IMPG1: variants seen among roughly 807,000 people sequenced by gnomAD.
The protein encoded by IMPG1 is interphotoreceptor matrix proteoglycan of 150 kDa.
In IMPG1, 85 loss-of-function variants were observed where a neutral mutation model predicts 92.0. The ratio of observed to expected loss-of-function variants is 0.92; its 90% CI spans 0.78 to 1.11. The LOEUF (loss-of-function observed/expected upper bound fraction) is 1.11, where lower values mean the gene tolerates loss of function less well. Ranked by LOEUF, IMPG1 falls within the 50% of genes least tolerant of loss-of-function variation. The pLI is 0.00. For missense variants in IMPG1, 1,022 were observed against 956.0 expected (o/e 1.07, Z -0.91); for synonymous variants, 367 against 334.1 (o/e 1.10, Z -1.08).
At chr6:75,940,564 G>A (rs1781822599) in intron 14 of IMPG1, among the ~76,000 whole-genome samples, 1 of 152,024 alleles carries the variant, frequency 6.6e-6, no homozygotes, top group African/African-American at 2.4e-5. Flanking sequence ...GCACTTAGTT[G>A]GAAAACGTTT....
At chr6:75,960,122 T>A (rs1406852867) in intron 12 of IMPG1, among the ~76,000 whole-genome samples, 1 of 152,120 alleles carries the variant, frequency 6.6e-6, no homozygotes, top group Non-Finnish European at 1.5e-5. Flanking sequence ...GGGGTGGTAG[T>A]TGCCCAACTT....
intron 1 of IMPG1, among the ~76,000 whole-genome samples, chr6:76,053,813 T>C (rs540742350): frequency 3.3e-5 from 5 of 152,268 alleles, no homozygotes; most frequent in Admixed American, 1.3e-4. Context: ...TTTATTGCTA[T>C]CATGTAAACT....
Position 75,931,155 on chromosome 6 carries a change from T to G in IMPG1, c.2045-4A>C. ...TTGCAGGGATCTGCTTGATCAGCTG[T>G]AAGAAATGGGGCAGATTTTAACGCA... is the stretch of plus-strand genomic sequence containing the variant. On this transcript the variant is annotated splice_polypyrimidine_tract_variant and splice_region_variant and intron_variant, in intron 14 of 16. Transcript: ENST00000369950. The G allele has an allele frequency of 1.2e-6, 2 of 1,608,774 alleles. No individual in the cohort carries two copies. Among genetic ancestry groups the G allele is most frequent in the Non-Finnish European group, 1.7e-6 (2 of 1,177,122 alleles).
chr6:75,967,584 T>C (rs1034310829), intron 12 of IMPG1, among the ~76,000 whole-genome samples: 3 of 152,132 alleles, frequency 2.0e-5, no homozygotes, highest in Non-Finnish European at 4.4e-5. Context: ...TATTTAGTTA[T>C]ACCTCATGAA....
rs111968105 is a variant in IMPG1, at chr6:76,043,736, A to G, written c.68-1610T>C. On this transcript the variant is annotated intron_variant, in intron 1 of 16. Transcript: ENST00000369950. ...ATGGGTGCATCTCAAACTGGCTTAC[A>G]CAGTAAGAAAGTTGTCACCTCCAAA... Among the ~76,000 whole-genome samples the G allele has an allele frequency of 8.9e-3, 1,348 of 152,304 alleles. 18 individuals carry two copies. Among genetic ancestry groups the G allele is most frequent in the African/African-American group, 0.03 (1,250 of 41,548 alleles).
chr6:76,022,124 G>A lies in IMPG1; in HGVS notation c.658C>T (p.Pro220Ser), dbSNP rs1292959865. The change falls in exon 6 of 17, where the codon CCT (proline) becomes TCT (serine). Residue 220 changes from proline to serine, a missense_variant. Pro to Ser is a moderately conservative substitution (Grantham distance 74). Coordinates refer to ENST00000369950, the MANE Select transcript of IMPG1 (RefSeq NM_001563.4). ...CTCTAGGAACTTCTTACTGTTGTAG[G>A]CATCTTGGTGTCGTTGAGTGTATTA... ...LDNTLNDTKM[P>S]TTERETEFAV... The A allele has an allele frequency of 5.1e-6, 8 of 1,564,468 alleles. No homozygotes were observed. Among genetic ancestry groups the A allele is most frequent in the South Asian group, 2.2e-5 (2 of 90,126 alleles).
intron 12 of IMPG1, among the ~76,000 whole-genome samples, chr6:75,971,003 A>G (rs1187232054): frequency 6.6e-6 from 1 of 152,170 alleles, no homozygotes; most frequent in Non-Finnish European, 1.5e-5. Flanking sequence ...ATGCTGCTAT[A>G]AAGACACATG....
chr6:76,042,956 A>G (rs1783870998), intron 1 of IMPG1, among the ~76,000 whole-genome samples: 1 of 152,156 alleles, frequency 6.6e-6, no homozygotes, highest in South Asian at 2.1e-4. Flanking sequence ...TACTACATCG[A>G]TGAAACATAT....
chr6:76,034,415 C>T, intron 3 of IMPG1, 72 bp from the exon 4 acceptor site: 1 of 1,414,512 alleles, frequency 7.1e-7, no homozygotes. Context: ...AGTCAATTTT[C>T]ATTCCCTTCT....
intron 13 of IMPG1, among the ~76,000 whole-genome samples, 188 bp downstream of exon 13, chr6:75,950,374 C>G (rs1401773865): frequency 6.6e-6 from 1 of 152,170 alleles, no homozygotes; most frequent in Non-Finnish European, 1.5e-5. Context: ...TTGTCTATCA[C>G]AGAACTCACT....
At chr6:76,017,244 ACT>A (rs1783306948) in intron 7 of IMPG1, among the ~76,000 whole-genome samples, 1 of 151,994 alleles carries the variant, frequency 6.6e-6, no homozygotes, top group Non-Finnish European at 1.5e-5. Context: ...TAGATGCCAC[ACT>A]CAGCATAGTA....
chr6:75,922,198 A>T, intron 16 of IMPG1, 32 bp from the exon 17 acceptor site: 1 of 920,134 alleles, frequency 1.1e-6, no homozygotes, highest in Admixed American at 2.0e-5. Context: ...GAACTTAAGA[A>T]ATGCCACCCA....
intron 12 of IMPG1, among the ~76,000 whole-genome samples, chr6:75,962,932 G>A (rs1782233333): frequency 6.6e-6 from 1 of 151,578 alleles, no homozygotes; most frequent in Non-Finnish European, 1.5e-5. Flanking sequence ...TCCCAGCTAC[G>A]TGGGAGGCTG....
In IMPG1 at chr6:76,034,755, T is replaced by C; in HGVS notation, c.334A>G (p.Ile112Val). The change falls in exon 3 of 17, where the codon ATC becomes GTC. Residue 112 changes from isoleucine (I) to valine (V), a missense_variant. Ile to Val is a conservative substitution (Grantham distance 29). Transcript: ENST00000369950. ...GTGTCAGGGATGCGATCCAGAAAGA[T>C]CCGATATGCTTCCCATACTGCTTCC... Reference protein sequence around the residue: ...CQEAVWEAYRIFLDRIPDTGE... With the variant: ...CQEAVWEAYRVFLDRIPDTGE... 6.2e-7 allele frequency: 1 copy of C among 1,614,106 alleles called. No individual in the cohort carries two copies. The highest frequency in any genetic ancestry group is 8.5e-7 in the Non-Finnish European group (1 of 1,180,012).
Position 75,924,657 on chromosome 6 carries a change from A to ATATCATATAATTATATT in IMPG1, c.2244-952_2244-951insAATATAATTATATGATA, listed in dbSNP as rs1384703548. On this transcript the variant is annotated intron_variant, in intron 15 of 16. Coordinates refer to ENST00000369950, the MANE Select transcript of IMPG1 (RefSeq NM_001563.4). ...ATATTATATATAATTAATTATATAT[A>ATATCATATAATTATATT]ATATATAATAAATTATATATTATAT... Among the ~76,000 whole-genome samples the ATATCATATAATTATATT allele has an allele frequency of 3.0e-4, 2 of 6,680 alleles. 1 individual carries two copies. Among genetic ancestry groups the ATATCATATAATTATATT allele is most frequent in the Non-Finnish European group, 8.3e-4 (2 of 2,420 alleles). 4.4% of individuals were successfully genotyped at this position (6,680 alleles called of 152,430 possible). A position where few individuals can be genotyped will look rare whatever the true frequency, so the allele number is the denominator to read the frequency against.
intron 12 of IMPG1, among the ~76,000 whole-genome samples, chr6:75,956,696 T>G (rs1782128384): frequency 6.6e-6 from 1 of 152,158 alleles, no homozygotes; most frequent in South Asian, 2.1e-4. Context: ...GGGTGTCAAT[T>G]TTAGATCTTT....
At chr6:75,958,530 C>G (rs1318517509) in intron 12 of IMPG1, among the ~76,000 whole-genome samples, 1 of 152,190 alleles carries the variant, frequency 6.6e-6, no homozygotes, top group East Asian at 1.9e-4. Context: ...GTACACCAAT[C>G]ACATGTAGGT....
At chr6:75,937,672 A>G (rs7749011) in intron 14 of IMPG1, among the ~76,000 whole-genome samples, 143,059 of 152,296 alleles carry the variant, frequency 0.94, 67,773 homozygotes, top group East Asian at 1. Flanking sequence ...AACTATTATT[A>G]TCATTATTGT....
At position 76,022,127 on chromosome 6, in the gene IMPG1, T is replaced by A. The variant is rs1368842652; in HGVS notation, c.655A>T (p.Met219Leu). The A allele has an allele frequency of 6.3e-7, 1 of 1,576,914 alleles. No homozygotes were observed. Among genetic ancestry groups the A allele is most frequent in the East Asian group, 2.3e-5 (1 of 43,676 alleles). ...TAGGAACTTCTTACTGTTGTAGGCA[T>A]CTTGGTGTCGTTGAGTGTATTATCG... The part of the protein sequence containing the change: ...ILDNTLNDTK[M>L]PTTERETEFA... The change falls in exon 6 of 17, where the codon ATG becomes TTG. Residue 219 changes from methionine to leucine, a missense_variant. This residue lies in a region of IMPG1 where 681 missense variants were observed against 583.6 expected (regional missense o/e 1.17). Coordinates refer to ENST00000369950, the MANE Select transcript of IMPG1 (RefSeq NM_001563.4).
Sources: gnomAD v4.1 joint callset for allele counts (sites outside exome capture counted in the v4.1 genomes callset) on GRCh38, gnomAD v4.1.1 for gene constraint, gnomAD v4.1.1 regional missense constraint, MANE v1.5 for transcripts, NCBI Gene and HGNC (gene_info 2026-07-23, HGNC 2026-07-21) for gene names.